CNTN1: variants seen among roughly 807,000 people sequenced by gnomAD.
The protein encoded by CNTN1 is contactin-1.
In CNTN1, 38 loss-of-function variants were observed where a neutral mutation model predicts 126.4. That is an observed-to-expected ratio of 0.30 (90% CI 0.23 to 0.39). CNTN1 has a LOEUF of 0.39. Ranked by LOEUF, CNTN1 falls within the 10% of genes least tolerant of loss-of-function variation. The probability of loss-of-function intolerance (pLI) is 1.00; values close to 1 mark genes in which losing one functional copy is unlikely to be tolerated. For synonymous variants in CNTN1, 413 were observed against 422.6 expected (o/e 0.98, Z 0.28); for missense variants, 1,009 against 1,248.4 (o/e 0.81, Z 2.89).
At chr12:40,975,211 T>C (rs957820629) in intron 15 of CNTN1, among the ~76,000 whole-genome samples, 2 of 139,928 alleles carry the variant, frequency 1.4e-5, no homozygotes, top group African/African-American at 5.5e-5. Flanking sequence ...TATATATATA[T>C]ATATATATAT....
At chr12:40,949,527 T>G (rs560042966) in intron 14 of CNTN1, among the ~76,000 whole-genome samples, 20 of 149,522 alleles carry the variant, frequency 1.3e-4, no homozygotes, top group African/African-American at 4.6e-4. Flanking sequence ...CTATTTTGGT[T>G]GTTGTTGCTG....
chr12:40,756,744 TC>T (rs1938625809), intron 1 of CNTN1, among the ~76,000 whole-genome samples: 1 of 152,132 alleles, frequency 6.6e-6, no homozygotes, highest in African/African-American at 2.4e-5. Context: ...CGCGTCATCA[TC>T]CAATTTGAAG....
chr12:41,001,765 T>A (rs1052428724), intron 17 of CNTN1, among the ~76,000 whole-genome samples: 1 of 152,190 alleles, frequency 6.6e-6, no homozygotes, highest in Admixed American at 6.5e-5. Flanking sequence ...AGATTTTACA[T>A]TTATGTCTTC....
chr12:40,944,365 G>T (rs985134148), intron 14 of CNTN1, among the ~76,000 whole-genome samples, 195 bp downstream of exon 14: 1 of 151,766 alleles, frequency 6.6e-6, no homozygotes, highest in African/African-American at 2.4e-5. Flanking sequence ...CTAGCCCTGA[G>T]GATTTTGGTA....
intron 1 of CNTN1, among the ~76,000 whole-genome samples, chr12:40,868,971 T>G (rs910761680): frequency 2.0e-5 from 3 of 152,068 alleles, no homozygotes; most frequent in Non-Finnish European, 4.4e-5. Context: ...ATTTAGAAAT[T>G]TTGATACTAC....
chr12:40,966,763 A>T (rs551985772), intron 15 of CNTN1, among the ~76,000 whole-genome samples: 20 of 152,342 alleles, frequency 1.3e-4, no homozygotes, highest in African/African-American at 4.8e-4. Context: ...ACATTATTTT[A>T]AATTTTAAGA....
chr12:41,051,705 T>G (rs1949687042), intron 23 of CNTN1, among the ~76,000 whole-genome samples: 1 of 152,232 alleles, frequency 6.6e-6, no homozygotes, highest in East Asian at 1.9e-4. Context: ...AGCACCCTGG[T>G]CTAGGCCAAT....
chr12:40,702,916 A>T (rs548550315), intron 1 of CNTN1, among the ~76,000 whole-genome samples: 10 of 152,262 alleles, frequency 6.6e-5, no homozygotes, highest in African/African-American at 2.2e-4. Context: ...AATGTTTTTT[A>T]AAAAAGAATG....
intron 1 of CNTN1, among the ~76,000 whole-genome samples, chr12:40,824,083 T>A (rs756108123): frequency 6.6e-6 from 1 of 152,130 alleles, no homozygotes; most frequent in Non-Finnish European, 1.5e-5. Flanking sequence ...TATTACTCTC[T>A]TGGTGAAATC....
intron 23 of CNTN1, among the ~76,000 whole-genome samples, chr12:41,038,734 C>A (rs1006720496): frequency 6.6e-6 from 1 of 151,776 alleles, no homozygotes; most frequent in Non-Finnish European, 1.5e-5. Context: ...CATTTTAAAG[C>A]GAGGAGGCAA....
chr12:40,897,901 C>G (rs186313511), intron 1 of CNTN1, among the ~76,000 whole-genome samples: 1 of 152,110 alleles, frequency 6.6e-6, no homozygotes, highest in Non-Finnish European at 1.5e-5. Flanking sequence ...GTGAAAGAAA[C>G]AAAAGTTCAA....
intron 1 of CNTN1, among the ~76,000 whole-genome samples, chr12:40,703,751 C>T (rs763192008): frequency 2.0e-5 from 3 of 151,164 alleles, no homozygotes; most frequent in Non-Finnish European, 2.9e-5. Context: ...AAAGAAGTGA[C>T]GTGAATAATA....
At chr12:40,998,001 G>GAAGAT (rs1354802052) in intron 17 of CNTN1, among the ~76,000 whole-genome samples, 3 of 151,922 alleles carry the variant, frequency 2.0e-5, no homozygotes, top group Admixed American at 6.6e-5. Context: ...AATATTTGTA[G>GAAGAT]AAGATAAAAA....
At chr12:41,025,088 A>G in intron 20 of CNTN1, 62 bp from the exon 21 acceptor site, 1 of 1,539,732 alleles carries the variant, frequency 6.5e-7, no homozygotes, top group South Asian at 1.1e-5. Context: ...AGTTGAAGAG[A>G]ACTTTTCATA....
chr12:41,071,540 C>A lies in CNTN1; in HGVS notation c.*1505C>A, dbSNP rs534662284. 1 of 152,012 alleles carries A rather than the reference C, an allele frequency of 6.6e-6. No individual in the cohort carries two copies. Among genetic ancestry groups the A allele is most frequent in the African/African-American group, 2.4e-5 (1 of 41,396 alleles). 9.4% of individuals were successfully genotyped at this position (152,012 alleles called of 1,614,324 possible). ...CAAAATAGATCTATTACTACTTTAC[C>A]GACTTTACCCCCTTTCTTTAATTTG... On this transcript the variant is annotated 3_prime_UTR_variant, in exon 24 of 24. Coordinates refer to ENST00000551295, the MANE Select transcript of CNTN1 (RefSeq NM_001843.4).
chr12:40,822,113 T>C (rs1359221516), intron 1 of CNTN1, among the ~76,000 whole-genome samples: 1 of 150,450 alleles, frequency 6.6e-6, no homozygotes, highest in Non-Finnish European at 1.5e-5. Context: ...CTTCTCAATG[T>C]TTTTTATAAT....
chr12:40,752,248 GC>G (rs1433302997), intron 1 of CNTN1, among the ~76,000 whole-genome samples: 3 of 152,060 alleles, frequency 2.0e-5, no homozygotes, highest in Non-Finnish European at 4.4e-5. Context: ...ATTAGCCCAT[GC>G]CTTGGTGCAA....
chr12:40,919,908 G>A (rs778763318), intron 4 of CNTN1, among the ~76,000 whole-genome samples: 1 of 152,060 alleles, frequency 6.6e-6, no homozygotes, highest in African/African-American at 2.4e-5. Context: ...TATATAATGA[G>A]AGCCTATTTG....
intron 1 of CNTN1, among the ~76,000 whole-genome samples, chr12:40,845,569 A>T (rs908935697): frequency 2.7e-5 from 4 of 150,152 alleles, no homozygotes; most frequent in African/African-American, 4.8e-5. Context: ...GTGTTGAATA[A>T]AGCTCCTAGA....
Sources: gnomAD v4.1 joint callset for allele counts (sites outside exome capture counted in the v4.1 genomes callset) on GRCh38, gnomAD v4.1.1 for gene constraint, MANE v1.5 for transcripts, NCBI Gene and HGNC (gene_info 2026-07-23, HGNC 2026-07-21) for gene names.